Variants in TCERG1L observed in about 807,000 individuals in gnomAD.
TCERG1L encodes transcription elongation regulator 1 like.
Under a neutral mutation model 56.3 loss-of-function variants are expected in TCERG1L, and 37 were observed. The observed-to-expected ratio is 0.66, with a 90% CI of 0.51 to 0.87. TCERG1L has a LOEUF of 0.87. Among genes scored for constraint, TCERG1L ranks in the 40% least tolerant of loss-of-function variants. TCERG1L has a pLI of 0.00. For synonymous variants in TCERG1L, 324 were observed against 326.3 expected (o/e 0.99, Z 0.08); for missense variants, 799 against 774.2 (o/e 1.03, Z -0.38).
intron 7 of TCERG1L, among the ~76,000 whole-genome samples, chr10:131,140,890 G>A (rs993335331): frequency 6.6e-6 from 1 of 152,232 alleles, no homozygotes; most frequent in Non-Finnish European, 1.5e-5. Flanking sequence ...AAGAGGCCTG[G>A]CTGTGCAGGG....
chr10:131,110,126 C>A (rs1891788), intron 9 of TCERG1L, among the ~76,000 whole-genome samples: 1 of 152,218 alleles, frequency 6.6e-6, no homozygotes, highest in Non-Finnish European at 1.5e-5. Context: ...GCCAAGGGAA[C>A]TGGACTGTCC....
At chr10:131,172,716 G>C (rs1456953879) in intron 4 of TCERG1L, among the ~76,000 whole-genome samples, 1 of 152,186 alleles carries the variant, frequency 6.6e-6, no homozygotes, top group Non-Finnish European at 1.5e-5. Context: ...ACCCAGGCCT[G>C]TGCCAGCCAT....
chr10:131,121,915 C>G (rs1010933410), intron 8 of TCERG1L, among the ~76,000 whole-genome samples: 7 of 152,240 alleles, frequency 4.6e-5, no homozygotes, highest in Non-Finnish European at 8.8e-5. Flanking sequence ...GCAGGTACCA[C>G]ACCACCATCA....
chr10:131,216,813 G>T (rs1845674209), intron 4 of TCERG1L, among the ~76,000 whole-genome samples: 1 of 152,162 alleles, frequency 6.6e-6, no homozygotes, highest in Non-Finnish European at 1.5e-5. Flanking sequence ...AGGCATCGGA[G>T]CCCCCCAGCT....
intron 4 of TCERG1L, among the ~76,000 whole-genome samples, chr10:131,240,863 G>C (rs1351918019): frequency 6.6e-6 from 1 of 152,232 alleles, no homozygotes; most frequent in Non-Finnish European, 1.5e-5. Flanking sequence ...TATGAGATAG[G>C]AGAGGTGGAG....
chr10:131,133,360 C>T (rs192471833), intron 8 of TCERG1L, among the ~76,000 whole-genome samples: 14 of 152,314 alleles, frequency 9.2e-5, no homozygotes, highest in South Asian at 2.1e-4. Context: ...AAAACGCATA[C>T]GACACTGAGA....
At chr10:131,150,392 T>C (rs1406889686) in intron 6 of TCERG1L, among the ~76,000 whole-genome samples, 1 of 152,202 alleles carries the variant, frequency 6.6e-6, no homozygotes, top group Non-Finnish European at 1.5e-5. Flanking sequence ...TGTCAGGCAT[T>C]CATACTGCAT....
intron 3 of TCERG1L, among the ~76,000 whole-genome samples, chr10:131,279,578 C>T (rs1451919163): frequency 6.6e-6 from 1 of 152,166 alleles, no homozygotes; most frequent in Non-Finnish European, 1.5e-5. Flanking sequence ...TCCCACCATC[C>T]AAGGCGCCCA....
At chr10:131,150,264 C>T (rs1845849811) in intron 6 of TCERG1L, among the ~76,000 whole-genome samples, 1 of 10,262 alleles carries the variant, frequency 9.7e-5, no homozygotes, top group Admixed American at 1.5e-3. Context: ...CGGCCTCACC[C>T]AGAGGTGGGG....
intron 4 of TCERG1L, among the ~76,000 whole-genome samples, chr10:131,183,820 A>G (rs2133454894): frequency 6.6e-6 from 1 of 152,286 alleles, no homozygotes; most frequent in South Asian, 2.1e-4. Flanking sequence ...TGATGCTAAC[A>G]TTATGGCGCG....
intron 4 of TCERG1L, among the ~76,000 whole-genome samples, chr10:131,183,205 G>C (rs1055204640): frequency 6.6e-6 from 1 of 152,134 alleles, no homozygotes; most frequent in African/African-American, 2.4e-5. Context: ...ACCCACCATA[G>C]GGGCTTCTCT....
chr10:131,184,683 T>C (rs925934221), intron 4 of TCERG1L, among the ~76,000 whole-genome samples: 1 of 152,178 alleles, frequency 6.6e-6, no homozygotes, highest in Non-Finnish European at 1.5e-5. Context: ...TTCTAAGTTG[T>C]GAACGGGAAG....
chr10:131,159,850 T>A (rs1348806888), intron 6 of TCERG1L, among the ~76,000 whole-genome samples: 1 of 152,126 alleles, frequency 6.6e-6, no homozygotes, highest in Admixed American at 6.5e-5. Flanking sequence ...CAGGAGAAGC[T>A]GAGATCTGGA....
intron 4 of TCERG1L, among the ~76,000 whole-genome samples, chr10:131,234,693 GTTTGT>G (rs1204160471): frequency 1.3e-5 from 2 of 150,550 alleles, no homozygotes; most frequent in Admixed American, 1.3e-4. Context: ...GTCGTTGTTT[GTTTGT>G]TTTGTTTTGT....
intron 3 of TCERG1L, among the ~76,000 whole-genome samples, chr10:131,270,138 G>A (rs2133552185): frequency 6.6e-6 from 1 of 152,292 alleles, no homozygotes; most frequent in African/African-American, 2.4e-5. Flanking sequence ...AGACATTTAT[G>A]AAGCCAGATG....
chr10:131,180,636 A>C (rs765390271), intron 4 of TCERG1L, among the ~76,000 whole-genome samples: 3 of 152,342 alleles, frequency 2.0e-5, no homozygotes, highest in Admixed American at 6.5e-5. Flanking sequence ...CCATGTTAAA[A>C]TGAAGTGTTG....
At chr10:131,217,320 C>A (rs1022912984) in intron 4 of TCERG1L, among the ~76,000 whole-genome samples, 2 of 152,144 alleles carry the variant, frequency 1.3e-5, no homozygotes, top group Non-Finnish European at 2.9e-5. Flanking sequence ...CACCTTTTGT[C>A]ATGATTGTAA....
At chr10:131,171,309 G>A (rs909883914) in intron 4 of TCERG1L, among the ~76,000 whole-genome samples, 9 of 152,162 alleles carry the variant, frequency 5.9e-5, no homozygotes, top group Non-Finnish European at 7.3e-5. Context: ...TGAAAGAAGG[G>A]GGAGGTGGGT....
chr10:131,199,979 A>C (rs1589745208), intron 4 of TCERG1L, among the ~76,000 whole-genome samples: 2 of 152,150 alleles, frequency 1.3e-5, no homozygotes, highest in East Asian at 3.9e-4. Flanking sequence ...CCTTTAGGTC[A>C]ACATTCCTCC....
Sources: allele counts gnomAD v4.1 joint callset (sites outside exome capture counted in the v4.1 genomes callset), GRCh38; gene constraint gnomAD v4.1.1; transcripts MANE v1.5; gene names NCBI Gene and HGNC (gene_info 2026-07-23, HGNC 2026-07-21).